GBF1: variants seen among roughly 807,000 people sequenced by gnomAD.
GBF1 encodes golgi brefeldin A resistant guanine nucleotide exchange factor 1, also known as Golgi-specific brefeldin A-resistance guanine nucleotide exchange factor 1.
A neutral mutation model predicts 210.5 loss-of-function variants in GBF1; 114 were observed. The ratio of observed to expected loss-of-function variants is 0.54; its 90% CI spans 0.47 to 0.63. The LOEUF is 0.63. Ranked by LOEUF, GBF1 falls within the 30% of genes least tolerant of loss-of-function variation. The probability of loss-of-function intolerance (pLI) is 0.00; values close to 1 mark genes in which losing one functional copy is unlikely to be tolerated. For missense variants in GBF1, 1,851 were observed against 2,357.7 expected, an observed-to-expected ratio of 0.79 and a Z score of 4.45; for synonymous variants, 850 against 889.2, an observed-to-expected ratio of 0.96 and a Z score of 0.78.
At chr10:102,290,278 G>A (rs1045587202) in intron 3 of GBF1, among the ~76,000 whole-genome samples, 1 of 152,030 alleles carries the variant, frequency 6.6e-6, no homozygotes, top group Non-Finnish European at 1.5e-5. Flanking sequence ...GAAATTGGCT[G>A]AGGATACTCT....
chr10:102,361,830 T>G lies in GBF1; in HGVS notation c.1604T>G (p.Phe535Cys). Residue 535 changes from phenylalanine to cysteine, a missense_variant, in exon 14 of 40, where the codon TTT becomes TGT. Around this residue, in one of 3 missense-constraint regions of GBF1, gnomAD observed 804 missense variants for 958.6 expected, o/e 0.84. Transcript: ENST00000369983. ...GTGCAGCTCTGGCGCATCCCCAGCT[T>G]TGTCACAGAGCTCTACATCAACTAT... ...AIVQLWRIPS[F>C]VTELYINYDC... The G allele has an allele frequency of 6.2e-7, 1 of 1,613,724 alleles. No individual in the cohort carries two copies.
chr10:102,338,525 TGA>T (rs1447254312), intron 3 of GBF1, among the ~76,000 whole-genome samples: 1 of 151,956 alleles, frequency 6.6e-6, no homozygotes, highest in Admixed American at 6.6e-5. Flanking sequence ...ATTAGAGGTG[TGA>T]GCCACTGCGC....
At chr10:102,313,647 A>C (rs948379690) in intron 3 of GBF1, among the ~76,000 whole-genome samples, 3 of 152,214 alleles carry the variant, frequency 2.0e-5, no homozygotes, top group African/African-American at 7.2e-5. Flanking sequence ...TGGCTTTTCC[A>C]CTGAACTACA....
chr10:102,313,655 A>G (rs1048640651), intron 3 of GBF1, among the ~76,000 whole-genome samples: 4 of 152,236 alleles, frequency 2.6e-5, no homozygotes, highest in African/African-American at 9.6e-5. Flanking sequence ...CCACTGAACT[A>G]CAATGGCTCA....
At chr10:102,252,105 C>A (rs936594691) in intron 1 of GBF1, among the ~76,000 whole-genome samples, 1 of 152,028 alleles carries the variant, frequency 6.6e-6, no homozygotes, top group Admixed American at 6.6e-5. Flanking sequence ...TTTGGGAGGC[C>A]GAGGTGGGCA....
At chr10:102,375,263 T>C in intron 29 of GBF1, 96 bp from the exon 30 acceptor site, 1 of 747,378 alleles carries the variant, frequency 1.3e-6, no homozygotes, top group Non-Finnish European at 2.4e-6. Context: ...CTGTCTTCAC[T>C]GGCCTAAGGA....
chr10:102,352,409 A>C, intron 6 of GBF1, 49 bp from the exon 7 acceptor site: 1 of 1,273,892 alleles, frequency 7.8e-7, no homozygotes, highest in Non-Finnish European at 1.2e-6. Flanking sequence ...CCTCTTGATA[A>C]TAGCACAGCA....
intron 3 of GBF1, among the ~76,000 whole-genome samples, chr10:102,298,906 A>C (rs569913341): frequency 4.6e-5 from 7 of 152,194 alleles, no homozygotes; most frequent in Non-Finnish European, 1.0e-4. Context: ...GTAAATATGA[A>C]ACTCATTTGT....
intron 3 of GBF1, among the ~76,000 whole-genome samples, chr10:102,317,127 A>C (rs1417806831): frequency 1.3e-5 from 2 of 152,112 alleles, no homozygotes; most frequent in East Asian, 1.9e-4. Context: ...GGCTTTTAAA[A>C]AATAACATTT....
At chr10:102,231,978 C>T in the GBF1 span, 2 of 1,610,248 alleles carry the variant, frequency 1.2e-6, no homozygotes, top group African/African-American at 2.7e-5. Context: ...TGCTCCTGGC[C>T]CTTGCAGCCG....
chr10:102,274,543 C>G (rs986941223), intron 3 of GBF1, among the ~76,000 whole-genome samples: 1 of 151,996 alleles, frequency 6.6e-6, no homozygotes, highest in Non-Finnish European at 1.5e-5. Flanking sequence ...GACCACATCA[C>G]AGACGGACCA....
intron 3 of GBF1, among the ~76,000 whole-genome samples, chr10:102,317,093 A>G (rs1356844270): frequency 1.3e-5 from 2 of 152,140 alleles, no homozygotes; most frequent in East Asian, 1.9e-4. Flanking sequence ...TAGGCTGCCC[A>G]GTGCCCCCTT....
At chr10:102,315,102 C>T (rs528052665) in intron 3 of GBF1, among the ~76,000 whole-genome samples, 1 of 152,266 alleles carries the variant, frequency 6.6e-6, no homozygotes, top group South Asian at 2.1e-4. Flanking sequence ...TACCAATTTT[C>T]CTGGAAATAA....
In GBF1 at chr10:102,351,856, T is replaced by C. The variant is rs774911043; in HGVS notation, c.428T>C (p.Leu143Pro). Reference protein sequence around the residue: ...LMKILQVLRTLLLTPVGAHLT... With the variant: ...LMKILQVLRTPLLTPVGAHLT... ...TCTTCCTGATAGGTTCTACGGACTC[T>C]GCTGCTAACCCCAGTGGGTGCCCAC... Residue 143 changes from leucine to proline, a missense_variant, in exon 6 of 40, where the codon CTG (leucine) becomes CCG (proline). Coordinates refer to ENST00000369983, the MANE Select transcript of GBF1 (RefSeq NM_001377137.1). 4.4e-6 allele frequency: 7 copies of C among 1,593,810 alleles called. No individual in the cohort carries two copies. In the East Asian group the frequency reaches 1.3e-4, roughly 31 times the overall value.
chr10:102,293,935 G>A (rs972442454), intron 3 of GBF1, among the ~76,000 whole-genome samples: 1 of 151,128 alleles, frequency 6.6e-6, no homozygotes, highest in African/African-American at 2.4e-5. Context: ...CCACCACCAC[G>A]CCCAGCTAAT....
intron 3 of GBF1, among the ~76,000 whole-genome samples, chr10:102,332,113 G>A (rs769419625): frequency 5.3e-5 from 8 of 151,964 alleles, no homozygotes; most frequent in Admixed American, 1.3e-4. Context: ...ACCCGCCTCC[G>A]CCTCCCAAAG....
At chr10:102,293,684 A>C (rs2076624919) in intron 3 of GBF1, among the ~76,000 whole-genome samples, 1 of 151,952 alleles carries the variant, frequency 6.6e-6, no homozygotes, top group Non-Finnish European at 1.5e-5. Flanking sequence ...AAGTTTAAAA[A>C]GTACAAAATA....
At chr10:102,304,338 C>T (rs1029489375) in intron 3 of GBF1, among the ~76,000 whole-genome samples, 2 of 151,966 alleles carry the variant, frequency 1.3e-5, no homozygotes, top group African/African-American at 4.8e-5. Flanking sequence ...GCAAAGACTT[C>T]GAATGCCGTA....
At chr10:102,290,171 A>T (rs1002802278) in intron 3 of GBF1, among the ~76,000 whole-genome samples, 2 of 152,224 alleles carry the variant, frequency 1.3e-5, no homozygotes, top group Non-Finnish European at 2.9e-5. Flanking sequence ...AACATAATTT[A>T]ATAGTTTAAT....
Sources: allele counts gnomAD v4.1 joint callset (sites outside exome capture counted in the v4.1 genomes callset), GRCh38; gene constraint gnomAD v4.1.1; regional missense constraint gnomAD v4.1.1; transcripts MANE v1.5; gene names NCBI Gene and HGNC (gene_info 2026-07-23, HGNC 2026-07-21).